RGS21: variants seen among roughly 807,000 people sequenced by gnomAD.
RGS21 encodes regulator of G protein signaling 21.
RGS21 carries 19 observed loss-of-function variants against 18.7 expected under a neutral mutation model. The observed-to-expected ratio is 1.01, with a 90% CI of 0.71 to 1.49. RGS21 has a LOEUF of 1.49. Ranked by LOEUF, RGS21 falls within the 40% of genes most tolerant of loss-of-function variation. The pLI is 0.00. For missense variants in RGS21, 194 were observed against 176.8 expected, an observed-to-expected ratio of 1.10 and a Z score of -0.55; for synonymous variants, 56 against 57.8, an observed-to-expected ratio of 0.97 and a Z score of 0.14.
intron 1 of RGS21, among the ~76,000 whole-genome samples, chr1:192,326,715 T>C (rs1012192431): frequency 3.3e-5 from 5 of 152,142 alleles, no homozygotes; most frequent in Non-Finnish European, 7.4e-5. Flanking sequence ...ATTAACTCAG[T>C]TTGTATTTAT....
intron 1 of RGS21, among the ~76,000 whole-genome samples, chr1:192,330,459 T>G: frequency 6.6e-6 from 1 of 152,170 alleles, no homozygotes; most frequent in East Asian, 1.9e-4. Context: ...AAATAAAATC[T>G]AGAAAATCAG....
chr1:192,346,462 A>T (rs2102231604), intron 2 of RGS21, among the ~76,000 whole-genome samples: 1 of 152,226 alleles, frequency 6.6e-6, no homozygotes, highest in Middle Eastern at 3.4e-3. Context: ...TAACTAAGTC[A>T]TTTGCACATC....
chr1:192,318,335 T>C (rs999109552), intron 1 of RGS21, among the ~76,000 whole-genome samples: 2 of 152,068 alleles, frequency 1.3e-5, no homozygotes, highest in African/African-American at 4.8e-5. Flanking sequence ...CTCTGTGCAA[T>C]TGGGAAAGAA....
chr1:192,353,134 A>G (rs751151999), intron 4 of RGS21, among the ~76,000 whole-genome samples: 9 of 151,984 alleles, frequency 5.9e-5, no homozygotes, highest in African/African-American at 2.2e-4. Context: ...ACGAGGATTC[A>G]TGGTATGAGA....
intron 4 of RGS21, among the ~76,000 whole-genome samples, chr1:192,357,617 GAGAGGGAGGTCTTCAGCCCATACTTTT>G (rs2102236930): frequency 6.6e-6 from 1 of 151,924 alleles, no homozygotes; most frequent in South Asian, 2.1e-4. Flanking sequence ...AAGATCCATG[GAGAGGGAGGTCTTCAGCCCATACTTTT>G]AAGCTTCAAA....
At chr1:192,325,924 C>T (rs1272740981) in intron 1 of RGS21, among the ~76,000 whole-genome samples, 1 of 151,904 alleles carries the variant, frequency 6.6e-6, no homozygotes. Context: ...ATTTGATTAA[C>T]TGGAGACAGA....
Position 192,352,032 on chromosome 1 carries a change from T to A in RGS21, c.89-15T>A. 1 of 1,530,554 alleles carries A rather than the reference T, an allele frequency of 6.5e-7. No homozygotes were observed. The highest frequency in any genetic ancestry group is 8.8e-7 in the Non-Finnish European group (1 of 1,134,260). The allele number at this position is 1,530,554 out of a possible 1,614,324, so 94.8% of individuals were successfully genotyped here. A position where few individuals can be genotyped will look rare whatever the true frequency, so the allele number is the denominator to read the frequency against. ...GTATGCTATTATACAAAACTTTTTCTCATATATTTTATAGCTGGTCTAGAT... is the reference window on the plus strand; with the variant it reads ...GTATGCTATTATACAAAACTTTTTCACATATATTTTATAGCTGGTCTAGAT... On this transcript the variant is annotated splice_polypyrimidine_tract_variant and intron_variant, in intron 3 of 4. Transcript: ENST00000417209.
rs1436401928 is a variant in RGS21 at position 192,339,314 on chromosome 1, T to C, written c.-60-3663T>C. Among the ~76,000 whole-genome samples the C allele has an allele frequency of 2.0e-5, 3 of 152,148 alleles. No homozygotes were observed. In the East Asian group the frequency reaches 5.8e-4, roughly 29 times the overall value. ...TGCAAGTACCAGAATTAAGTTCTTA[T>C]TAATTTTTTTATCCTACCTTTAATG... On this transcript the variant is annotated intron_variant, in intron 1 of 4. Coordinates refer to ENST00000417209, the MANE Select transcript of RGS21 (RefSeq NM_001039152.3).
At chr1:192,333,259 G>A (rs1658686590) in intron 1 of RGS21, among the ~76,000 whole-genome samples, 1 of 122,124 alleles carries the variant, frequency 8.2e-6, no homozygotes, top group African/African-American at 3.6e-5. Context: ...TAATTTGGCA[G>A]TTTCTTAAAT....
intron 4 of RGS21, among the ~76,000 whole-genome samples, chr1:192,364,614 A>G (rs1473467495): frequency 6.6e-6 from 1 of 152,096 alleles, no homozygotes; most frequent in Admixed American, 6.6e-5. Context: ...CTATTGTTTA[A>G]CCTCAATTTA....
chr1:192,359,718 T>C (rs1659161358), intron 4 of RGS21, among the ~76,000 whole-genome samples: 2 of 147,958 alleles, frequency 1.4e-5, no homozygotes, highest in Admixed American at 1.4e-4. Context: ...CTCTTTAATA[T>C]TTCAGAGTTA....
intron 2 of RGS21, among the ~76,000 whole-genome samples, chr1:192,343,630 T>G (rs527988375): frequency 2.2e-4 from 34 of 152,286 alleles, no homozygotes; most frequent in African/African-American, 7.7e-4. Flanking sequence ...ATATGGGTAC[T>G]GCTGGCCTTG....
At chr1:192,322,134 C>T (rs1032455542) in intron 1 of RGS21, among the ~76,000 whole-genome samples, 3 of 152,074 alleles carry the variant, frequency 2.0e-5, no homozygotes, top group Non-Finnish European at 4.4e-5. Context: ...CAGTCTTTCC[C>T]CTCAGGAATG....
At chr1:192,351,183 A>G (rs527980369) in intron 3 of RGS21, among the ~76,000 whole-genome samples, 1 of 152,238 alleles carries the variant, frequency 6.6e-6, no homozygotes, top group South Asian at 2.1e-4. Flanking sequence ...GGAAGCATCA[A>G]TGTTTTCCTT....
intron 1 of RGS21, among the ~76,000 whole-genome samples, chr1:192,320,833 T>C (rs985478439): frequency 6.6e-6 from 1 of 152,012 alleles, no homozygotes; most frequent in African/African-American, 2.4e-5. Flanking sequence ...TGGCTGACCT[T>C]AAGTTAAACA....
At chr1:192,332,984 CAACT>C (rs1658681374) in intron 1 of RGS21, among the ~76,000 whole-genome samples, 1 of 150,768 alleles carries the variant, frequency 6.6e-6, no homozygotes, top group Non-Finnish European at 1.5e-5. Flanking sequence ...AAAAAAATAA[CAACT>C]AACAATTAGA....
intron 4 of RGS21, among the ~76,000 whole-genome samples, chr1:192,358,628 C>G (rs760761664): frequency 1.3e-5 from 2 of 151,988 alleles, no homozygotes; most frequent in Non-Finnish European, 2.9e-5. Context: ...ATGACAGTCT[C>G]CTGCTACACT....
At chr1:192,365,547 A>C (rs181693675) in intron 4 of RGS21, among the ~76,000 whole-genome samples, 2 of 152,280 alleles carry the variant, frequency 1.3e-5, no homozygotes, top group East Asian at 1.9e-4. Context: ...AAACCTAATA[A>C]ATTCTAGAAA....
intron 4 of RGS21, among the ~76,000 whole-genome samples, chr1:192,358,356 G>A (rs1659137995): frequency 6.6e-6 from 1 of 151,948 alleles, no homozygotes; most frequent in Admixed American, 6.6e-5. Flanking sequence ...CCTTCTAGAT[G>A]TTACAAACTT....
Sources: allele counts gnomAD v4.1 joint callset (sites outside exome capture counted in the v4.1 genomes callset), GRCh38; gene constraint gnomAD v4.1.1; transcripts MANE v1.5; gene names NCBI Gene and HGNC (gene_info 2026-07-23, HGNC 2026-07-21).